GRIA2: variants seen among roughly 807,000 people sequenced by gnomAD.
GRIA2 encodes the protein glutamate receptor 2.
In GRIA2, 14 loss-of-function variants were observed where a neutral mutation model predicts 97.3. The observed-to-expected ratio is 0.14, with a 90% CI of 0.10 to 0.23. The LOEUF is 0.23. GRIA2 is among the 10% of genes least tolerant of loss of function. GRIA2 has a pLI of 1.00. For synonymous variants in GRIA2, 412 were observed against 387.8 expected (o/e 1.06, Z -0.73); for missense variants, 558 against 1,069.8 (o/e 0.52, Z 6.67).
chr4:157,337,705 G>A (rs982777993), intron 11 of GRIA2, among the ~76,000 whole-genome samples: 1 of 151,656 alleles, frequency 6.6e-6, no homozygotes, highest in Non-Finnish European at 1.5e-5. Context: ...AATAACAAGT[G>A]ATTAATTTAA....
intron 2 of GRIA2, among the ~76,000 whole-genome samples, chr4:157,280,752 A>T (rs1732556055): frequency 6.6e-6 from 1 of 151,892 alleles, no homozygotes; most frequent in Non-Finnish European, 1.5e-5. Flanking sequence ...CTTGTATTAC[A>T]TTTGCTTATG....
In GRIA2 at chr4:157,359,966, G is replaced by C; in HGVS notation, c.2114G>C (p.Arg705Thr). ...AGTGCGGAGCCCTCTGTGTTTGTGA[G>C]GACTACGGCCGAAGGGGTGGCTAGA... The part of the protein sequence containing the change: ...MRSAEPSVFV[R>T]TTAEGVARVR... The change falls in exon 13 of 16, where the codon AGG becomes ACG. Residue 705 changes from arginine (R) to threonine (T), a missense_variant. Physicochemically the swap from Arg to Thr is moderately conservative, Grantham distance 71. This residue lies in a region of GRIA2 where 125 missense variants were observed against 310.2 expected (regional missense o/e 0.40). Transcript: ENST00000264426. 6.2e-7 allele frequency: 1 copy of C among 1,613,840 alleles called. No individual in the cohort carries two copies. The highest frequency in any genetic ancestry group is 8.5e-7 in the Non-Finnish European group (1 of 1,179,866).
intron 2 of GRIA2, among the ~76,000 whole-genome samples, chr4:157,232,756 C>T (rs1478850111): frequency 6.6e-6 from 1 of 152,062 alleles, no homozygotes; most frequent in Non-Finnish European, 1.5e-5. Context: ...AGTTTTTCAT[C>T]TGCGAAGATT....
intron 12 of GRIA2, among the ~76,000 whole-genome samples, chr4:157,349,793 G>C (rs1410639484): frequency 2.6e-5 from 4 of 151,834 alleles, no homozygotes; most frequent in Admixed American, 2.0e-4. Flanking sequence ...CACAAACATT[G>C]AAAATGCCCT....
intron 2 of GRIA2, among the ~76,000 whole-genome samples, chr4:157,279,231 C>T (rs1206517037): frequency 2.0e-5 from 3 of 152,156 alleles, no homozygotes; most frequent in Admixed American, 6.6e-5. Flanking sequence ...TGAATGGATA[C>T]TGTGGTACAT....
At chr4:157,254,091 C>A (rs1731135424) in intron 2 of GRIA2, among the ~76,000 whole-genome samples, 1 of 150,372 alleles carries the variant, frequency 6.7e-6, no homozygotes, top group Non-Finnish European at 1.5e-5. Context: ...GCTCTTTTTT[C>A]TGTCTAGAAA....
intron 2 of GRIA2, among the ~76,000 whole-genome samples, chr4:157,245,576 A>G (rs2126726884): frequency 6.6e-6 from 1 of 152,182 alleles, no homozygotes; most frequent in South Asian, 2.1e-4. Context: ...GTACTGCTAG[A>G]AACATAAGTG....
intron 4 of GRIA2, among the ~76,000 whole-genome samples, chr4:157,315,656 C>A (rs1353376576): frequency 2.0e-5 from 3 of 152,052 alleles, no homozygotes; most frequent in African/African-American, 7.2e-5. Context: ...GATTCTACTG[C>A]CTCAGCCTCC....
chr4:157,233,807 C>T (rs1381469232), intron 2 of GRIA2, among the ~76,000 whole-genome samples: 2 of 152,050 alleles, frequency 1.3e-5, no homozygotes, highest in Admixed American at 1.3e-4. Context: ...TTCTGAAACA[C>T]TTCCATATCT....
At chr4:157,302,794 A>G (rs1733673309) in intron 2 of GRIA2, among the ~76,000 whole-genome samples, 2 of 152,184 alleles carry the variant, frequency 1.3e-5, no homozygotes, top group South Asian at 4.1e-4. Context: ...AAGGAGTGAA[A>G]GCAGATAGTG....
chr4:157,271,151 A>G (rs1168684105), intron 2 of GRIA2, among the ~76,000 whole-genome samples: 1 of 151,894 alleles, frequency 6.6e-6, no homozygotes, highest in Non-Finnish European at 1.5e-5. Context: ...ACTCAACAAC[A>G]ATCAACTCGG....
chr4:157,221,903 T>C, intron 2 of GRIA2, 96 bp downstream of exon 2: 3 of 1,146,640 alleles, frequency 2.6e-6, no homozygotes, highest in Non-Finnish European at 3.9e-6. Flanking sequence ...TGTGTGCGTT[T>C]CTGTGTGTCA....
chr4:157,329,143 T>C (rs1422868169), intron 6 of GRIA2, among the ~76,000 whole-genome samples: 1 of 151,984 alleles, frequency 6.6e-6, no homozygotes, highest in Non-Finnish European at 1.5e-5. Flanking sequence ...ATACTGTTCA[T>C]TTGTCTTATG....
At chr4:157,294,649 G>A (rs769450182) in intron 2 of GRIA2, among the ~76,000 whole-genome samples, 45 of 152,060 alleles carry the variant, frequency 3.0e-4, no homozygotes, top group Non-Finnish European at 6.2e-4. Flanking sequence ...TAATATATAT[G>A]CACTACCTGA....
Position 157,363,777 on chromosome 4 carries a change from G to A in GRIA2, c.*346G>A, listed in dbSNP as rs1219797845. 3 of 383,102 alleles carry A rather than the reference G, an allele frequency of 7.8e-6. No individual in the cohort carries two copies. Among genetic ancestry groups the A allele is most frequent in the Non-Finnish European group, 1.4e-5 (3 of 217,090 alleles). The allele number at this position is 383,102 out of a possible 1,614,324, so 23.7% of individuals were successfully genotyped here. A position where few individuals can be genotyped will look rare whatever the true frequency, so the allele number is the denominator to read the frequency against. On this transcript the variant is annotated 3_prime_UTR_variant, in exon 16 of 16. Coordinates refer to ENST00000264426, the MANE Select transcript of GRIA2 (RefSeq NM_001083619.3). Reference sequence around the variant, plus strand: ...TAAAACACAACATCTTTTTCTACTCGAGTTACAGACAAAGCGTGGTGGACA... The same window carrying A: ...TAAAACACAACATCTTTTTCTACTCAAGTTACAGACAAAGCGTGGTGGACA...
At chr4:157,242,514 A>G (rs1425981582) in intron 2 of GRIA2, among the ~76,000 whole-genome samples, 1 of 152,106 alleles carries the variant, frequency 6.6e-6, no homozygotes, top group South Asian at 2.1e-4. Flanking sequence ...GATTGATTTT[A>G]TGCTTTCTGA....
intron 2 of GRIA2, among the ~76,000 whole-genome samples, chr4:157,291,783 C>G (rs1187437690): frequency 6.6e-6 from 1 of 151,780 alleles, no homozygotes; most frequent in Non-Finnish European, 1.5e-5. Context: ...TTACAAAAAT[C>G]ATTGCTTTCT....
At chr4:157,360,236 G>C in intron 13 of GRIA2, 93 bp downstream of exon 13, 1 of 1,282,118 alleles carries the variant, frequency 7.8e-7, no homozygotes. Context: ...TTTGTATACG[G>C]ATATGAGGTA....
intron 12 of GRIA2, among the ~76,000 whole-genome samples, chr4:157,343,579 C>T (rs1241693787): frequency 6.6e-6 from 1 of 151,992 alleles, no homozygotes; most frequent in Non-Finnish European, 1.5e-5. Context: ...AAACTATCTC[C>T]AAAAGGAACT....
Sources: allele counts gnomAD v4.1 joint callset (sites outside exome capture counted in the v4.1 genomes callset), GRCh38; gene constraint gnomAD v4.1.1; regional missense constraint gnomAD v4.1.1; transcripts MANE v1.5; gene names NCBI Gene and HGNC (gene_info 2026-07-23, HGNC 2026-07-21).